STK31: variants seen among roughly 807,000 people sequenced by gnomAD.
STK31 encodes serine/threonine kinase 31.
A neutral mutation model predicts 129.7 loss-of-function variants in STK31; 89 were observed. The ratio of observed to expected loss-of-function variants is 0.69; its 90% CI spans 0.58 to 0.82. The LOEUF is 0.82. Ranked by LOEUF, STK31 falls within the 40% of genes least tolerant of loss-of-function variation. STK31 has a pLI of 0.00. For missense variants in STK31, 1,187 were observed against 1,176.4 expected (o/e 1.01, Z -0.13); for synonymous variants, 448 against 395.3 (o/e 1.13, Z -1.58).
chr7:23,792,278 A>T (rs962407464), intron 22 of STK31, among the ~76,000 whole-genome samples: 2 of 152,240 alleles, frequency 1.3e-5, no homozygotes, highest in Non-Finnish European at 2.9e-5. Context: ...AAATGAGTTT[A>T]GAAAGATAGC....
At chr7:23,754,688 C>T (rs1475672099) in intron 10 of STK31, among the ~76,000 whole-genome samples, 1 of 152,134 alleles carries the variant, frequency 6.6e-6, no homozygotes, top group Non-Finnish European at 1.5e-5. Context: ...TGTATTGTTT[C>T]CCTCCCTGTG....
chr7:23,829,566 A>G (rs1794418139), intron 23 of STK31, among the ~76,000 whole-genome samples: 1 of 152,196 alleles, frequency 6.6e-6, no homozygotes, highest in Non-Finnish European at 1.5e-5. Flanking sequence ...TGTGTTCATC[A>G]GGGATACTGG....
chr7:23,712,327 A>G (rs1786025540), intron 3 of STK31, 41 bp downstream of exon 3: 5 of 1,593,608 alleles, frequency 3.1e-6, no homozygotes, highest in African/African-American at 1.3e-5. Context: ...CACCTCCCCC[A>G]ATCCAGTTCC....
chr7:23,822,138 A>G (rs995210144), intron 23 of STK31, among the ~76,000 whole-genome samples: 1 of 152,112 alleles, frequency 6.6e-6, no homozygotes, highest in South Asian at 2.1e-4. Flanking sequence ...TTAGTTCTAC[A>G]TGAAATTTAG....
chr7:23,786,037 C>T (rs1791262255), intron 18 of STK31, among the ~76,000 whole-genome samples: 1 of 150,594 alleles, frequency 6.6e-6, no homozygotes, highest in South Asian at 2.1e-4. Flanking sequence ...AGCTTTGTCT[C>T]ACAAGAAAAA....
intron 4 of STK31, among the ~76,000 whole-genome samples, chr7:23,725,455 A>C (rs1787006270): frequency 6.9e-6 from 1 of 145,436 alleles, no homozygotes. Flanking sequence ...AAGCGGGAGG[A>C]TTGTGTGAGC....
At chr7:23,767,741 G>A (rs1789920676) in intron 11 of STK31, among the ~76,000 whole-genome samples, 1 of 152,154 alleles carries the variant, frequency 6.6e-6, no homozygotes, top group African/African-American at 2.4e-5. Context: ...TCTGATGTGA[G>A]GGAGAGAGAA....
intron 10 of STK31, among the ~76,000 whole-genome samples, chr7:23,760,645 A>C (rs1176819597): frequency 6.6e-6 from 1 of 152,100 alleles, no homozygotes; most frequent in Non-Finnish European, 1.5e-5. Flanking sequence ...CCTAGTTGTA[A>C]TTTTTTAAAA....
chr7:23,801,560 A>T (rs1792368732), intron 22 of STK31, among the ~76,000 whole-genome samples: 1 of 151,952 alleles, frequency 6.6e-6, no homozygotes, highest in South Asian at 2.1e-4. Flanking sequence ...TTAATTTATT[A>T]TTGTTTTCTT....
At chr7:23,786,320 A>T (rs1340499867) in intron 18 of STK31, among the ~76,000 whole-genome samples, 188 bp from the exon 19 acceptor site, 1 of 152,130 alleles carries the variant, frequency 6.6e-6, no homozygotes, top group African/African-American at 2.4e-5. Flanking sequence ...AGCAGGCTAC[A>T]GGTAGAATTG....
At chr7:23,734,878 T>C (rs1254275857) in intron 6 of STK31, among the ~76,000 whole-genome samples, 1 of 152,032 alleles carries the variant, frequency 6.6e-6, no homozygotes, top group Non-Finnish European at 1.5e-5. Flanking sequence ...GGCAGGAGAA[T>C]CGCTTGAACC....
intron 22 of STK31, among the ~76,000 whole-genome samples, chr7:23,801,339 C>T (rs1422016057): frequency 1.3e-5 from 2 of 151,904 alleles, no homozygotes; most frequent in East Asian, 3.9e-4. Context: ...TATTGGCTTT[C>T]TGTATTTTCT....
intron 8 of STK31, among the ~76,000 whole-genome samples, chr7:23,738,541 C>T (rs920090527): frequency 5.9e-5 from 9 of 152,062 alleles, no homozygotes; most frequent in Non-Finnish European, 1.3e-4. Context: ...GTATGTGCCC[C>T]ATTCCTGGCT....
intron 22 of STK31, among the ~76,000 whole-genome samples, chr7:23,792,966 A>G (rs1402376285): frequency 6.6e-6 from 1 of 152,200 alleles, no homozygotes; most frequent in Non-Finnish European, 1.5e-5. Context: ...AGGCTACAGT[A>G]AGCTATGACT....
At position 23,723,826 on chromosome 7, in the gene STK31, C is replaced by A. The variant is rs531215456; in HGVS notation, c.250-3415C>A. Among the ~76,000 whole-genome samples, 7 of 152,250 alleles carry A rather than the reference C, an allele frequency of 4.6e-5. No homozygotes were observed. The South Asian group carries it at 1.5e-3, about 32-fold the overall frequency. Reference sequence around the variant, plus strand: ...ATTACACTAACAGAGCCACGAACTTCAGATTCTTCACTTTGTTGAGTACTG... The same window carrying A: ...ATTACACTAACAGAGCCACGAACTTAAGATTCTTCACTTTGTTGAGTACTG... On this transcript the variant is annotated intron_variant, in intron 4 of 23. Transcript: ENST00000355870.
intron 22 of STK31, among the ~76,000 whole-genome samples, chr7:23,797,174 T>A (rs1232873667): frequency 2.0e-5 from 3 of 151,974 alleles, no homozygotes; most frequent in African/African-American, 7.2e-5. Context: ...TGGGAGACTT[T>A]AACACCCCAC....
At chr7:23,737,165 T>G (rs1328226062) in intron 8 of STK31, 87 bp downstream of exon 8, 2 of 1,231,438 alleles carry the variant, frequency 1.6e-6, no homozygotes, top group Admixed American at 3.2e-5. Flanking sequence ...TCACTTTCCT[T>G]TCCTTCCCCA....
chr7:23,808,296 A>G (rs1249366726), intron 22 of STK31, among the ~76,000 whole-genome samples: 1 of 151,760 alleles, frequency 6.6e-6, no homozygotes, highest in East Asian at 1.9e-4. Context: ...GTACTGCCTT[A>G]CTTCTCCTTG....
intron 20 of STK31, among the ~76,000 whole-genome samples, chr7:23,787,741 T>TACAAACACACAC (rs1456424538): frequency 6.9e-6 from 1 of 145,516 alleles, no homozygotes; most frequent in Non-Finnish European, 1.5e-5. Context: ...GGTATGATTG[T>TACAAACACACAC]ACACACACAC....
Sources: gnomAD v4.1 joint callset for allele counts (sites outside exome capture counted in the v4.1 genomes callset) on GRCh38, gnomAD v4.1.1 for gene constraint, MANE v1.5 for transcripts, NCBI Gene and HGNC (gene_info 2026-07-23, HGNC 2026-07-21) for gene names.